Variants in FGFR2 observed in about 807,000 individuals in gnomAD.
FGFR2 encodes fibroblast growth factor receptor 2.
A neutral mutation model predicts 95.9 loss-of-function variants in FGFR2; 19 were observed. The observed-to-expected ratio is 0.20, with a 90% CI of 0.14 to 0.29. FGFR2 has a LOEUF of 0.29. Ranked by LOEUF, FGFR2 falls within the 10% of genes least tolerant of loss-of-function variation. The probability of loss-of-function intolerance (pLI) is 1.00; values close to 1 mark genes in which losing one functional copy is unlikely to be tolerated. For missense variants in FGFR2, 707 were observed against 1,056.9 expected (o/e 0.67, Z 4.59); for synonymous variants, 392 against 393.3 (o/e 1.00, Z 0.04).
intron 4 of FGFR2, 188 bp downstream of exon 4, chr10:121,564,314 T>C (rs988726455): frequency 2.1e-5 from 13 of 618,730 alleles, no homozygotes; most frequent in Non-Finnish European, 3.5e-5. Context: ...GGACAAACGA[T>C]AGAGAAGGCT....
rs2133681563 is a variant in FGFR2 at position 121,479,927 on chromosome 10, G to GA, written c.2395dup (p.Ser799PhefsTer22). On this transcript the variant is annotated frameshift_variant, in exon 18 of 18. Transcript: ENST00000358487. LOFTEE classifies it high-confidence loss of function. ...TGGTTCGTAAGGCATGGGGTCTGGA[G>GA]AAAAAACAGAATCATCTCCTGAAGA... 1.2e-6 allele frequency: 2 copies of GA among 1,614,140 alleles called. No individual in the cohort carries two copies. Among genetic ancestry groups the GA allele is most frequent in the Non-Finnish European group, 8.5e-7 (1 of 1,180,022 alleles).
intron 2 of FGFR2, among the ~76,000 whole-genome samples, chr10:121,591,205 T>A (rs914337946): frequency 2.0e-5 from 3 of 152,158 alleles, no homozygotes; most frequent in Non-Finnish European, 2.9e-5. Flanking sequence ...GACTAACAGA[T>A]GAGGGGAAGT....
At chr10:121,497,279 G>A (rs1233316531) in intron 12 of FGFR2, among the ~76,000 whole-genome samples, 4 of 152,154 alleles carry the variant, frequency 2.6e-5, no homozygotes, top group Non-Finnish European at 4.4e-5. Flanking sequence ...CAGTTGACGT[G>A]CTCTTCCCTG....
At chr10:121,533,507 T>A (rs1166499058) in intron 6 of FGFR2, among the ~76,000 whole-genome samples, 1 of 152,204 alleles carries the variant, frequency 6.6e-6, no homozygotes, top group African/African-American at 2.4e-5. Flanking sequence ...AAGCTTGACA[T>A]ACCTGAGGGT....
chr10:121,479,823 G>A lies in FGFR2; in HGVS notation c.*34C>T, dbSNP rs746532522. On this transcript the variant is annotated 3_prime_UTR_variant, in exon 18 of 18. Coordinates refer to ENST00000358487, the MANE Select transcript of FGFR2 (RefSeq NM_000141.5). ...TGCTCAGTGTAGCTAGGTTCCCAGTGCTGTCCTGTTTGGGGACAGGCAGAC... is the reference window on the plus strand; with the variant it reads ...TGCTCAGTGTAGCTAGGTTCCCAGTACTGTCCTGTTTGGGGACAGGCAGAC... The A allele has an allele frequency of 1.2e-5, 19 of 1,613,942 alleles. No homozygotes were observed. Among genetic ancestry groups the A allele is most frequent in the Non-Finnish European group, 1.4e-5 (16 of 1,179,948 alleles).
intron 2 of FGFR2, chr10:121,583,606 A>G (rs1459578374): frequency 3.3e-5 from 5 of 153,360 alleles, no homozygotes; most frequent in African/African-American, 9.6e-5. Context: ...ATCATTAAAC[A>G]TTTTTATTGT....
At chr10:121,571,811 C>T (rs1265878947) in intron 2 of FGFR2, among the ~76,000 whole-genome samples, 4 of 151,636 alleles carry the variant, frequency 2.6e-5, no homozygotes, top group African/African-American at 4.8e-5. Flanking sequence ...GGCATGGTGG[C>T]GCATGCCTAT....
chr10:121,548,822 G>C (rs1024461276), intron 5 of FGFR2, among the ~76,000 whole-genome samples: 1 of 152,038 alleles, frequency 6.6e-6, no homozygotes, highest in African/African-American at 2.4e-5. Context: ...AATCCCAGGG[G>C]CCGTGATTTT....
At chr10:121,506,230 C>T (rs1357152351) in intron 9 of FGFR2, among the ~76,000 whole-genome samples, 3 of 151,704 alleles carry the variant, frequency 2.0e-5, no homozygotes, top group East Asian at 3.9e-4. Flanking sequence ...TGGTGGTAGG[C>T]GCCTGTAATC....
intron 17 of FGFR2, 168 bp from the exon 18 acceptor site, chr10:121,480,189 A>T (rs1266280707): frequency 1.3e-5 from 11 of 823,762 alleles, no homozygotes; most frequent in Non-Finnish European, 2.3e-5. Context: ...GGGACAGGAC[A>T]GGAGACCCCT....
chr10:121,560,953 G>C (rs764524614), intron 4 of FGFR2, among the ~76,000 whole-genome samples: 1 of 152,120 alleles, frequency 6.6e-6, no homozygotes, highest in African/African-American at 2.4e-5. Flanking sequence ...TGCTGGTCCA[G>C]GAACTTTACT....
chr10:121,572,253 G>A (rs2135229577), intron 2 of FGFR2, among the ~76,000 whole-genome samples: 1 of 152,134 alleles, frequency 6.6e-6, no homozygotes, highest in South Asian at 2.1e-4. Flanking sequence ...GAGCCCCAGA[G>A]GCTGCACTGA....
intron 2 of FGFR2, among the ~76,000 whole-genome samples, chr10:121,577,279 G>A (rs901680955): frequency 8.6e-5 from 12 of 139,506 alleles, no homozygotes; most frequent in African/African-American, 2.2e-4. Context: ...GCAAGTCCTC[G>A]GAGCAGGAAC....
chr10:121,518,932 G>T lies in FGFR2; in HGVS notation c.939+1047C>A. The stretch of plus-strand genomic sequence containing the variant: ...ACCGCAAGAAAACAAACTCCATTAC[G>T]TCTAAACAGCGGCATTAAAGGGCTG... On this transcript the variant is annotated intron_variant, in intron 7 of 17. Coordinates refer to ENST00000358487, the MANE Select transcript of FGFR2 (RefSeq NM_000141.5). This position sits in a 1 kb window ranked among gnomAD's most constrained non-coding sequence, Gnocchi z 4.0. 1 of 1,405,530 alleles carries T rather than the reference G, an allele frequency of 7.1e-7. No homozygotes were observed. Among genetic ancestry groups the T allele is most frequent in the Non-Finnish European group, 1.0e-6 (1 of 997,220 alleles). The allele number at this position is 1,405,530 out of a possible 1,614,324, so 87.1% of individuals were successfully genotyped here. A position where few individuals can be genotyped will look rare whatever the true frequency, so the allele number is the denominator to read the frequency against.
intron 2 of FGFR2, among the ~76,000 whole-genome samples, chr10:121,573,816 G>A (rs1859254160): frequency 6.6e-6 from 1 of 152,144 alleles, no homozygotes; most frequent in Admixed American, 6.5e-5. Context: ...GAGCGCTGCG[G>A]GAAGGGTAGT....
At chr10:121,552,053 A>G (rs905248090) in intron 4 of FGFR2, among the ~76,000 whole-genome samples, 2 of 152,076 alleles carry the variant, frequency 1.3e-5, no homozygotes, top group East Asian at 3.9e-4. Context: ...CTAAATACAT[A>G]CTAACTTTTT....
intron 1 of FGFR2, among the ~76,000 whole-genome samples, chr10:121,594,402 T>A (rs1863140696): frequency 6.6e-6 from 1 of 152,214 alleles, no homozygotes; most frequent in Non-Finnish European, 1.5e-5. Flanking sequence ...CCAACTGGGC[T>A]TTAGAAAGCT....
intron 17 of FGFR2, among the ~76,000 whole-genome samples, chr10:121,482,859 C>T (rs955823851): frequency 2.0e-5 from 3 of 152,112 alleles, no homozygotes; most frequent in Non-Finnish European, 4.4e-5. Context: ...AGTGCAGTGG[C>T]GCAATCTCAG....
chr10:121,591,923 TTCCC>T (rs1375732922), intron 2 of FGFR2, among the ~76,000 whole-genome samples: 7 of 152,180 alleles, frequency 4.6e-5, no homozygotes, highest in Admixed American at 3.9e-4. Flanking sequence ...CCACGATTTC[TTCCC>T]TCTGCCTCAC....
Sources: allele counts gnomAD v4.1 joint callset (sites outside exome capture counted in the v4.1 genomes callset), GRCh38; gene constraint gnomAD v4.1.1; non-coding constraint Gnocchi (gnomAD v3.1); transcripts MANE v1.5; gene names NCBI Gene and HGNC (gene_info 2026-07-23, HGNC 2026-07-21).